RERE: variants seen among roughly 807,000 people sequenced by gnomAD.
RERE encodes arginine-glutamic acid dipeptide repeats, also known as arginine-glutamic acid dipeptide repeats protein.
Under a neutral mutation model 146.1 loss-of-function variants are expected in RERE, and 40 were observed. The observed-to-expected ratio is 0.27, with a 90% confidence interval of 0.21 to 0.36. RERE has a LOEUF of 0.36. Ranked by LOEUF, RERE falls within the 10% of genes least tolerant of loss-of-function variation. The pLI is 1.00. For missense variants in RERE, 1,933 were observed against 2,138.7 expected (o/e 0.90, Z 1.90); for synonymous variants, 1,003 against 866.0 (o/e 1.16, Z -2.78).
intron 1 of RERE, among the ~76,000 whole-genome samples, chr1:8,812,911 A>G (rs1386841468): frequency 3.3e-5 from 5 of 152,130 alleles, no homozygotes; most frequent in Non-Finnish European, 7.3e-5. Context: ...GTTCTAACAC[A>G]TATTTAAAAT....
At chr1:8,389,849 C>T (rs528616504) in intron 12 of RERE, among the ~76,000 whole-genome samples, 9 of 152,274 alleles carry the variant, frequency 5.9e-5, no homozygotes, top group African/African-American at 1.9e-4. Context: ...GCAGCAATGA[C>T]GACCCTGTCT....
intron 1 of RERE, among the ~76,000 whole-genome samples, chr1:8,746,888 G>A (rs899643566): frequency 2.0e-5 from 3 of 150,828 alleles, no homozygotes; most frequent in Admixed American, 1.3e-4. Flanking sequence ...GAGAGAGAGA[G>A]AGAGAGAGAG....
chr1:8,747,949 A>G (rs894615316), intron 1 of RERE, among the ~76,000 whole-genome samples: 1 of 151,772 alleles, frequency 6.6e-6, no homozygotes, highest in Non-Finnish European at 1.5e-5. Flanking sequence ...TAATTTTTGT[A>G]TTTATTTTAG....
At chr1:8,365,275 G>A (rs1003260364) in intron 13 of RERE, among the ~76,000 whole-genome samples, 8 of 152,184 alleles carry the variant, frequency 5.3e-5, no homozygotes, top group African/African-American at 9.7e-5. Context: ...TCAGCGTCCC[G>A]GGCCAGGACA....
chr1:8,673,310 G>A (rs1638763121), intron 1 of RERE, among the ~76,000 whole-genome samples: 1 of 152,090 alleles, frequency 6.6e-6, no homozygotes, highest in African/African-American at 2.4e-5. Flanking sequence ...TGGCCAGGCT[G>A]GTCTCGAACT....
At chr1:8,525,524 A>T (rs966110695) in intron 7 of RERE, among the ~76,000 whole-genome samples, 6 of 152,264 alleles carry the variant, frequency 3.9e-5, no homozygotes, top group Admixed American at 3.9e-4. Flanking sequence ...GGACAGGGAC[A>T]GAGGGACCCG....
chr1:8,360,269 T>G lies in RERE; in HGVS notation c.3238A>C (p.Ile1080Leu). The change falls in exon 18 of 23, where the codon ATA (isoleucine) becomes CTA (leucine). Residue 1080 changes from isoleucine to leucine, a missense_variant. Ile to Leu is a conservative substitution (Grantham distance 5, BLOSUM62 2). Coordinates refer to ENST00000400908, the MANE Select transcript of RERE (RefSeq NM_001042681.2). ...CSGAAASGGS[I>L]AGGSSCPLPT... is the part of the protein sequence containing the mutation. ...AGTGGGCAGGACGACCCCCCCGCTATGCTGCCTCCTGAAGCCGCCGCACCA... is the reference window on the plus strand; with the variant it reads ...AGTGGGCAGGACGACCCCCCCGCTAGGCTGCCTCCTGAAGCCGCCGCACCA... 6.4e-7 allele frequency: 1 copy of G among 1,570,452 alleles called. No individual in the cohort carries two copies. The highest frequency in any genetic ancestry group is 8.6e-7 in the Non-Finnish European group (1 of 1,159,112).
At chr1:8,427,659 A>AAG in intron 11 of RERE, among the ~76,000 whole-genome samples, 1 of 149,668 alleles carries the variant, frequency 6.7e-6, no homozygotes, top group East Asian at 2.0e-4. Flanking sequence ...AAAAAAAAAA[A>AAG]GGAAGTAAAA....
At chr1:8,619,976 C>T (rs768933862) in intron 3 of RERE, among the ~76,000 whole-genome samples, 38 of 152,142 alleles carry the variant, frequency 2.5e-4, no homozygotes, top group Non-Finnish European at 4.6e-4. Flanking sequence ...GTGCTGAGTT[C>T]CATAAAGAAC....
At chr1:8,387,736 C>T (rs996403656) in intron 12 of RERE, among the ~76,000 whole-genome samples, 1 of 152,194 alleles carries the variant, frequency 6.6e-6, no homozygotes, top group African/African-American at 2.4e-5. Context: ...TAAAATCACT[C>T]AGACATTTCA....
chr1:8,642,605 C>T (rs1006523821), intron 2 of RERE, among the ~76,000 whole-genome samples: 2 of 152,062 alleles, frequency 1.3e-5, no homozygotes, highest in East Asian at 1.9e-4. Flanking sequence ...AGTTTATAAA[C>T]AAGACTAATT....
chr1:8,577,206 G>A (rs1570461825), intron 4 of RERE, among the ~76,000 whole-genome samples: 1 of 151,398 alleles, frequency 6.6e-6, no homozygotes, highest in African/African-American at 2.4e-5. Flanking sequence ...TATGACTTTT[G>A]AATTTTTTTG....
chr1:8,746,752 A>G (rs1259358831), intron 1 of RERE, among the ~76,000 whole-genome samples: 1 of 150,686 alleles, frequency 6.6e-6, no homozygotes, highest in Non-Finnish European at 1.5e-5. Context: ...CAGATAAGAG[A>G]AACAGCAAGA....
chr1:8,609,686 TAACA>T (rs1200048220), intron 4 of RERE, among the ~76,000 whole-genome samples: 1 of 152,172 alleles, frequency 6.6e-6, no homozygotes, highest in Admixed American at 6.6e-5. Flanking sequence ...AACAAGTAGG[TAACA>T]AACGTAATAC....
At chr1:8,702,743 C>T (rs1363469361) in intron 1 of RERE, among the ~76,000 whole-genome samples, 2 of 152,120 alleles carry the variant, frequency 1.3e-5, no homozygotes. Flanking sequence ...TATACATATA[C>T]ATGTATTTTT....
chr1:8,404,235 G>A (rs1253073469), intron 12 of RERE, among the ~76,000 whole-genome samples: 1 of 152,068 alleles, frequency 6.6e-6, no homozygotes, highest in Non-Finnish European at 1.5e-5. Context: ...TGAGACCACG[G>A]TGAAACCCCG....
chr1:8,530,404 T>C (rs1228996304), intron 7 of RERE, among the ~76,000 whole-genome samples: 2 of 152,280 alleles, frequency 1.3e-5, no homozygotes, highest in South Asian at 2.1e-4. Flanking sequence ...AACATGAAAA[T>C]TGCCTAAGTT....
At chr1:8,437,805 T>A (rs1253163095) in intron 11 of RERE, among the ~76,000 whole-genome samples, 2 of 152,050 alleles carry the variant, frequency 1.3e-5, no homozygotes, top group African/African-American at 4.8e-5. Context: ...CCAAAGTATT[T>A]CTCTAAAATT....
At chr1:8,719,375 A>G (rs1639820423) in intron 1 of RERE, among the ~76,000 whole-genome samples, 1 of 152,138 alleles carries the variant, frequency 6.6e-6, no homozygotes, top group Non-Finnish European at 1.5e-5. Context: ...CCACCCCTAA[A>G]TGACTCATTT....
Sources: gnomAD v4.1 joint callset for allele counts (sites outside exome capture counted in the v4.1 genomes callset) on GRCh38, gnomAD v4.1.1 for gene constraint, MANE v1.5 for transcripts, NCBI Gene and HGNC (gene_info 2026-07-23, HGNC 2026-07-21) for gene names.